The following CERT1 variants were observed in gnomAD, a reference collection of about 807,000 sequenced individuals.
CERT1 encodes ceramide transfer protein.
CERT1 carries 31 observed loss-of-function variants against 87.9 expected under a neutral mutation model. The observed-to-expected ratio is 0.35, with a 90% CI of 0.27 to 0.48. The LOEUF is 0.48. Among genes scored for constraint, CERT1 ranks in the 20% least tolerant of loss-of-function variants. The pLI, the probability that CERT1 is intolerant of heterozygous loss-of-function variation, is 0.99. For missense variants in CERT1, 487 were observed against 758.0 expected, an observed-to-expected ratio of 0.64 and a Z score of 4.20; for synonymous variants, 289 against 250.9, an observed-to-expected ratio of 1.15 and a Z score of -1.44.
At chr5:75,456,664 A>AG (rs1491293233) in intron 3 of CERT1, among the ~76,000 whole-genome samples, 2 of 39,010 alleles carry the variant, frequency 5.1e-5, no homozygotes, top group Admixed American at 2.2e-4. Context: ...ACCTCATCTC[A>AG]AAAAAAAAAA....
At chr5:75,488,677 C>A (rs1175029160) in intron 2 of CERT1, among the ~76,000 whole-genome samples, 1 of 152,020 alleles carries the variant, frequency 6.6e-6, no homozygotes, top group African/African-American at 2.4e-5. Flanking sequence ...TCCCTGTTGC[C>A]TTCTTTCTTA....
chr5:75,474,206 A>G (rs1765851219), intron 2 of CERT1, among the ~76,000 whole-genome samples: 1 of 152,134 alleles, frequency 6.6e-6, no homozygotes, highest in Non-Finnish European at 1.5e-5. Flanking sequence ...AGCCCCTGTC[A>G]CGTACCCCCT....
intron 14 of CERT1, among the ~76,000 whole-genome samples, chr5:75,383,686 T>C (rs1362727440): frequency 1.3e-5 from 2 of 151,278 alleles, no homozygotes; most frequent in Non-Finnish European, 3.0e-5. Flanking sequence ...CTTATAATGT[T>C]TTCATATACT....
chr5:75,439,089 A>ATG (rs1764208845), intron 3 of CERT1, among the ~76,000 whole-genome samples: 1 of 151,964 alleles, frequency 6.6e-6, no homozygotes, highest in African/African-American at 2.4e-5. Context: ...ATATATATAT[A>ATG]CCTTTATGCT....
chr5:75,466,538 A>AT (rs1765463122), intron 2 of CERT1, among the ~76,000 whole-genome samples: 1 of 152,218 alleles, frequency 6.6e-6, no homozygotes, highest in Non-Finnish European at 1.5e-5. Flanking sequence ...AGCTTCTGAG[A>AT]TAACAAGAGC....
chr5:75,396,729 C>CAAAAAAAAAA (rs375730002), intron 11 of CERT1, among the ~76,000 whole-genome samples: 1 of 92,630 alleles, frequency 1.1e-5, no homozygotes, highest in African/African-American at 3.3e-5. Context: ...AACTCCGTCT[C>CAAAAAAAAAA]AAAAAAAAAA....
chr5:75,429,692 C>T (rs1763786337), intron 3 of CERT1, among the ~76,000 whole-genome samples: 1 of 152,010 alleles, frequency 6.6e-6, no homozygotes, highest in Non-Finnish European at 1.5e-5. Flanking sequence ...GTCTCTTAAA[C>T]AAGCAAGTAA....
chr5:75,511,328 G>T lies in CERT1; in HGVS notation c.-121C>A, dbSNP rs539924208. On this transcript the variant is annotated 5_prime_UTR_variant, in exon 1 of 17. Transcript: ENST00000643780. The stretch of plus-strand genomic sequence containing the variant: ...AAGCGAAGAGTGCCCGCTCCGGTGT[G>T]GGGGGGAGCAGGAGGAGGGACGAAG... 2.7e-5 allele frequency: 42 copies of T among 1,546,292 alleles called. No individual in the cohort carries two copies. Among genetic ancestry groups the T allele is most frequent in the South Asian group, 1.8e-4 (15 of 83,856 alleles).
intron 11 of CERT1, 139 bp downstream of exon 11, chr5:75,399,171 C>G: frequency 1.5e-6 from 1 of 645,522 alleles, no homozygotes; most frequent in Admixed American, 2.5e-5. Flanking sequence ...ACAAGGAAGA[C>G]CTTTTTAATG....
At chr5:75,374,120 A>G (rs1454768497), downstream of CERT1, 2 of 400,106 alleles carry the variant, frequency 5.0e-6, no homozygotes, top group Non-Finnish European at 8.8e-6. Flanking sequence ...CCTACGTTCC[A>G]GCTTAGAGCA....
Position 75,511,605 on chromosome 5 carries a change from C to G in CERT1, c.-398G>C, listed in dbSNP as rs1768010780. On this transcript the variant is annotated 5_prime_UTR_variant, in exon 1 of 17. It removes an upstream start codon present in the reference 5' UTR. Transcript: ENST00000643780. ...CCACTCACACCTCCGCTACCGCCGC[C>G]ATCTTCCTGCCTGGCCCACTATTTA... The G allele has an allele frequency of 6.8e-7, 1 of 1,467,990 alleles. No individual in the cohort carries two copies. The highest frequency in any genetic ancestry group is 9.0e-7 in the Non-Finnish European group (1 of 1,109,302). 90.9% of individuals were successfully genotyped at this position (1,467,990 alleles called of 1,614,324 possible).
chr5:75,411,631 A>T (rs1049715001), intron 7 of CERT1, among the ~76,000 whole-genome samples: 1 of 152,164 alleles, frequency 6.6e-6, no homozygotes, highest in Non-Finnish European at 1.5e-5. Flanking sequence ...GATTTAAATC[A>T]CCACTAAAAT....
chr5:75,477,792 C>T (rs1766036581), intron 2 of CERT1, among the ~76,000 whole-genome samples: 1 of 151,860 alleles, frequency 6.6e-6, no homozygotes, highest in Non-Finnish European at 1.5e-5. Flanking sequence ...CAGTAACTAC[C>T]TCTAAACTAT....
intron 2 of CERT1, among the ~76,000 whole-genome samples, chr5:75,496,543 A>G (rs1342491835): frequency 6.6e-6 from 1 of 152,242 alleles, no homozygotes; most frequent in African/African-American, 2.4e-5. Context: ...AGCCTTATTT[A>G]TTGTATCTCA....
At chr5:75,388,640 A>G (rs796121664) in intron 12 of CERT1, among the ~76,000 whole-genome samples, 1 of 109,912 alleles carries the variant, frequency 9.1e-6, no homozygotes, top group Admixed American at 9.6e-5. Context: ...ATATATATAT[A>G]TCTCACACAG....
intron 2 of CERT1, among the ~76,000 whole-genome samples, chr5:75,485,995 T>A (rs1025654447): frequency 1.3e-5 from 2 of 152,004 alleles, no homozygotes; most frequent in African/African-American, 4.8e-5. Context: ...ACTTCCAAAC[T>A]CATTCTATGA....
chr5:75,379,346 C>A lies in CERT1; in HGVS notation c.1875G>T (p.Ter625TyrextTer2), dbSNP rs1273500940. 1 of 1,612,018 alleles carries A rather than the reference C, an allele frequency of 6.2e-7. No homozygotes were observed. The highest frequency in any genetic ancestry group is 8.5e-7 in the Non-Finnish European group (1 of 1,178,462). ...EKTAGKPILF* is the reference protein window; with the variant it reads ...EKTAGKPILFY ...ACATATCTTCTAGTACCTGTTAATA[C>A]TAGAACAAAATAGGCTTTCCTGCAG... is the stretch of plus-strand genomic sequence containing the variant. The change falls in exon 17 of 17, where the codon TAG (stop) becomes TAT (tyrosine). Residue 625 changes from the stop codon to tyrosine (Y), a stop_lost. Transcript: ENST00000643780.
intron 2 of CERT1, among the ~76,000 whole-genome samples, chr5:75,472,707 A>G (rs1765769427): frequency 6.6e-6 from 1 of 152,252 alleles, no homozygotes; most frequent in African/African-American, 2.4e-5. Context: ...AATGAAAACC[A>G]TAATGAGATA....
chr5:75,374,122 C>CATATAACTATAAATACATG, downstream of CERT1: 1 of 399,528 alleles, frequency 2.5e-6, no homozygotes, highest in Non-Finnish European at 4.4e-6. Context: ...TACGTTCCAG[C>CATATAACTATAAATACATG]TTAGAGCATT....
Sources: allele counts gnomAD v4.1 joint callset (sites outside exome capture counted in the v4.1 genomes callset), GRCh38; gene constraint gnomAD v4.1.1; transcripts MANE v1.5; gene names NCBI Gene and HGNC (gene_info 2026-07-23, HGNC 2026-07-21).